The following COL6A5 variants were observed in gnomAD, a reference collection of about 807,000 sequenced individuals.
COL6A5 encodes the protein collagen type VI alpha 5 chain.
A neutral mutation model predicts 65.6 loss-of-function variants in COL6A5; 48 were observed. The observed-to-expected ratio is 0.73, with a 90% CI of 0.58 to 0.93. The LOEUF is 0.93. COL6A5 is among the 40% of genes least tolerant of loss of function. The pLI is 0.00. For synonymous variants in COL6A5, 291 were observed against 322.8 expected (o/e 0.90, Z 1.05); for missense variants, 914 against 928.3 (o/e 0.98, Z 0.20).
chr3:130,442,735 C>T (rs1370964822), intron 3 of COL6A5, among the ~76,000 whole-genome samples: 1 of 151,904 alleles, frequency 6.6e-6, no homozygotes, highest in Non-Finnish European at 1.5e-5. Context: ...GTGTCAGATG[C>T]AATTAATCAG....
intron 4 of COL6A5, among the ~76,000 whole-genome samples, chr3:130,450,069 C>G (rs1055717979): frequency 4.9e-5 from 7 of 144,044 alleles, no homozygotes; most frequent in Admixed American, 3.5e-4. Flanking sequence ...TGTACTGAGA[C>G]AGAAGGAGAG....
intron 5 of COL6A5, 55 bp from the exon 38 acceptor site, chr3:130,468,740 G>T: frequency 1.6e-6 from 2 of 1,260,364 alleles, no homozygotes; most frequent in East Asian, 2.4e-5. Flanking sequence ...CTATGACTAG[G>T]AGCTCCAAGC....
At chr3:130,423,960 G>A (rs1937560109) in intron 29 of COL6A5, 60 bp downstream of exon 29, 37 of 1,307,794 alleles carry the variant, frequency 2.8e-5, no homozygotes, top group Non-Finnish European at 4.0e-5. Context: ...TCCATGGAAA[G>A]GGCACAGAAT....
chr3:130,484,206 C>A, exon 8 of COL6A5: 1 of 683,290 alleles, frequency 1.5e-6, no homozygotes, highest in South Asian at 2.6e-5. Context: ...TGTTCTCCAT[C>A]TCAAATCTTG....
intron 5 of COL6A5, among the ~76,000 whole-genome samples, chr3:130,456,924 G>C (rs1709587340): frequency 6.6e-6 from 1 of 151,752 alleles, no homozygotes; most frequent in African/African-American, 2.4e-5. Flanking sequence ...TACCTTTGTA[G>C]AAGCTACAAT....
At chr3:130,433,871 A>G (rs1937924981) in intron 1 of COL6A5, among the ~76,000 whole-genome samples, 1 of 151,808 alleles carries the variant, frequency 6.6e-6, no homozygotes, top group Non-Finnish European at 1.5e-5. Context: ...AACTCACCTC[A>G]CATCCCTTGT....
At chr3:130,452,480 A>T (rs1709467585) in intron 4 of COL6A5, among the ~76,000 whole-genome samples, 1 of 152,188 alleles carries the variant, frequency 6.6e-6, no homozygotes, top group Non-Finnish European at 1.5e-5. Flanking sequence ...AGGTTCCGTG[A>T]TGCCCCACAA....
At chr3:130,402,915 C>T (rs766101260) in intron 12 of COL6A5, among the ~76,000 whole-genome samples, 1 of 152,208 alleles carries the variant, frequency 6.6e-6, no homozygotes, top group Non-Finnish European at 1.5e-5. Flanking sequence ...GAGTTCTGCA[C>T]TGTCCATCCT....
intron 5 of COL6A5, 121 bp downstream of exon 5, chr3:130,385,485 C>T (rs1936155950): frequency 9.6e-6 from 10 of 1,038,622 alleles, no homozygotes; most frequent in Middle Eastern, 3.2e-4. Context: ...TGCTAGCTTC[C>T]TTTATTACCA....
At chr3:130,482,609 G>A (rs1710279625) in intron 7 of COL6A5, among the ~76,000 whole-genome samples, 1 of 152,112 alleles carries the variant, frequency 6.6e-6, no homozygotes, top group Non-Finnish European at 1.5e-5. Context: ...GATGGGGATA[G>A]CATTGAATCT....
chr3:130,433,987 A>C (rs1294815198), intron 1 of COL6A5, among the ~76,000 whole-genome samples: 1 of 151,788 alleles, frequency 6.6e-6, no homozygotes, highest in African/African-American at 2.4e-5. Context: ...AAACAAAAAA[A>C]ACAGGATACA....
intron 1 of COL6A5, among the ~76,000 whole-genome samples, 158 bp downstream of exon 33, chr3:130,432,107 C>T (rs1200428296): frequency 2.0e-5 from 3 of 152,050 alleles, no homozygotes; most frequent in Admixed American, 6.6e-5. Context: ...CTGTGAAATC[C>T]AATCCTGAAT....
chr3:130,477,976 A>G (rs819093), intron 7 of COL6A5, among the ~76,000 whole-genome samples: 96,306 of 151,840 alleles, frequency 0.63, 33,435 homozygotes, highest in Non-Finnish European at 0.79. Flanking sequence ...AGTATTTTGT[A>G]GAAAACACTT....
At chr3:130,389,238 G>A in intron 6 of COL6A5, 104 bp downstream of exon 6, 3 of 699,182 alleles carry the variant, frequency 4.3e-6, no homozygotes, top group East Asian at 3.1e-5. Flanking sequence ...CTGGACTTCA[G>A]TGTTAAGTTT....
chr3:130,407,528 A>G (rs1454552815), intron 17 of COL6A5, among the ~76,000 whole-genome samples: 1 of 152,248 alleles, frequency 6.6e-6, no homozygotes, highest in Non-Finnish European at 1.5e-5. Context: ...GCCTTCAAGT[A>G]AAGCAATGAT....
chr3:130,405,877 T>C, intron 14 of COL6A5, 116 bp from the exon 15 acceptor site: 1 of 1,065,366 alleles, frequency 9.4e-7, no homozygotes, highest in South Asian at 1.4e-5. Flanking sequence ...AACCTCTTTG[T>C]AGATGTATAG....
intron 5 of COL6A5, among the ~76,000 whole-genome samples, chr3:130,460,896 A>G (rs894042033): frequency 7.3e-5 from 11 of 151,116 alleles, no homozygotes; most frequent in Admixed American, 7.3e-4. Flanking sequence ...TGGAAGTAAG[A>G]TATGATGGTG....
chr3:130,377,760 T>C (rs1935839119), intron 3 of COL6A5, among the ~76,000 whole-genome samples: 1 of 152,180 alleles, frequency 6.6e-6, no homozygotes, highest in Non-Finnish European at 1.5e-5. Flanking sequence ...AGGATAATAG[T>C]GTCTATCATA....
chr3:130,469,526 G>T (rs753500098), intron 6 of COL6A5, 45 bp downstream of exon 38: 4 of 1,476,110 alleles, frequency 2.7e-6, no homozygotes, highest in Non-Finnish European at 3.7e-6. Context: ...TAGATTTAAT[G>T]TTTCTGTGTA....
Sources: allele counts gnomAD v4.1 joint callset (sites outside exome capture counted in the v4.1 genomes callset), GRCh38; gene constraint gnomAD v4.1.1; transcripts MANE v1.5; gene names NCBI Gene and HGNC (gene_info 2026-07-23, HGNC 2026-07-21).